The following RYR3 variants were observed in gnomAD, a reference collection of about 807,000 sequenced individuals.
RYR3 encodes the protein ryanodine receptor 3, also known as brain ryanodine receptor-calcium release channel.
In RYR3, 207 loss-of-function variants were observed where a neutral mutation model predicts 584.3. That is an observed-to-expected ratio of 0.35 (90% CI 0.32 to 0.40). RYR3 has a LOEUF of 0.40. RYR3 is among the 10% of genes least tolerant of loss of function. The probability of loss-of-function intolerance (pLI) is 1.00; values close to 1 mark genes in which losing one functional copy is unlikely to be tolerated. For missense variants in RYR3, 5,616 were observed against 6,089.2 expected, an observed-to-expected ratio of 0.92 and a Z score of 2.59; for synonymous variants, 2,416 against 2,248.5, an observed-to-expected ratio of 1.07 and a Z score of -2.11.
chr15:33,608,567 G>T (rs568652239), intron 18 of RYR3, among the ~76,000 whole-genome samples: 1 of 152,138 alleles, frequency 6.6e-6, no homozygotes, highest in East Asian at 1.9e-4. Context: ...TATGAGATGG[G>T]CTCTCTTATC....
intron 18 of RYR3, among the ~76,000 whole-genome samples, chr15:33,612,619 G>A (rs1289850316): frequency 6.6e-6 from 1 of 152,122 alleles, no homozygotes; most frequent in Non-Finnish European, 1.5e-5. Context: ...CTCAGCCTCC[G>A]GAAGTGCTGG....
At chr15:33,809,595 A>C (rs1382234998) in intron 70 of RYR3, among the ~76,000 whole-genome samples, 1 of 141,008 alleles carries the variant, frequency 7.1e-6, no homozygotes, top group Non-Finnish European at 1.5e-5. Flanking sequence ...AGCCCAGTGC[A>C]TTGGATTCCT....
At position 33,812,876 on chromosome 15, in the gene RYR3, C is replaced by A. The variant is rs775452511; in HGVS notation, c.10271C>A (p.Ala3424Asp). Residue 3424 changes from alanine (A) to aspartate (D), a missense_variant, in exon 73 of 104, where the codon GCT becomes GAT. Physicochemically the swap from Ala to Asp is moderately radical, Grantham distance 126. Transcript: ENST00000634891. The part of the protein sequence containing the change: ...LHLQEKSDDP[A>D]VKWQLNLYKD... ...TTCAATTTTCAGTCTGATGACCCAGCTGTAAAATGGCAACTGAACCTCTAC... is the reference window on the plus strand; with the variant it reads ...TTCAATTTTCAGTCTGATGACCCAGATGTAAAATGGCAACTGAACCTCTAC... 1 of 1,613,794 alleles carries A rather than the reference C, an allele frequency of 6.2e-7. No individual in the cohort carries two copies. Among genetic ancestry groups the A allele is most frequent in the Admixed American group, 1.7e-5 (1 of 60,018 alleles).
intron 12 of RYR3, among the ~76,000 whole-genome samples, chr15:33,576,626 A>C (rs1379403027): frequency 6.6e-6 from 1 of 152,198 alleles, no homozygotes; most frequent in African/African-American, 2.4e-5. Context: ...CAAAATAATA[A>C]AAGCCATTTA....
chr15:33,487,259 C>T (rs1247921909), intron 2 of RYR3, among the ~76,000 whole-genome samples: 1 of 151,336 alleles, frequency 6.6e-6, no homozygotes, highest in Non-Finnish European at 1.5e-5. Flanking sequence ...GTAGGCATTC[C>T]AGCAGGGTTG....
chr15:33,840,902 C>T lies in RYR3; in HGVS notation c.13037+19C>T. ...AGGCAGAGTAAGTTCTTGGTAGCAT[C>T]AACTACTCTCATTGCTATGGTAGAT... On this transcript the variant is annotated intron_variant, in intron 90 of 103. Coordinates refer to ENST00000634891, the MANE Select transcript of RYR3 (RefSeq NM_001036.6). 6.2e-7 allele frequency: 1 copy of T among 1,609,352 alleles called. No individual in the cohort carries two copies.
At chr15:33,829,065 T>A (rs1169729653) in intron 85 of RYR3, among the ~76,000 whole-genome samples, 4 of 152,096 alleles carry the variant, frequency 2.6e-5, no homozygotes, top group African/African-American at 9.7e-5. Flanking sequence ...TTATGGTAAA[T>A]CTACTCTGCC....
At chr15:33,693,684 TC>T (rs1465365175) in intron 38 of RYR3, among the ~76,000 whole-genome samples, 6 of 152,220 alleles carry the variant, frequency 3.9e-5, no homozygotes, top group Non-Finnish European at 8.8e-5. Context: ...GGAGGAGCCC[TC>T]CCAAGGGCTG....
intron 82 of RYR3, chr15:33,825,877 C>G: frequency 3.8e-6 from 2 of 528,770 alleles, no homozygotes; most frequent in East Asian, 3.2e-5. Context: ...GGATTACAGG[C>G]TCCCACCACC....
chr15:33,633,900 A>C (rs1258785384), intron 24 of RYR3, among the ~76,000 whole-genome samples: 1 of 152,184 alleles, frequency 6.6e-6, no homozygotes, highest in Non-Finnish European at 1.5e-5. Flanking sequence ...TGTCATGAGG[A>C]GGCTATAGCA....
chr15:33,780,261 C>A lies in RYR3; in HGVS notation c.9188C>A (p.Pro3063Gln). 6.2e-7 allele frequency: 1 copy of A among 1,613,854 alleles called. No homozygotes were observed. ...CTGGCCTCGCTGGCAGCTGCCATACCAGTGGCATTCCTGGAGCCCACCCTT... is the reference window on the plus strand; with the variant it reads ...CTGGCCTCGCTGGCAGCTGCCATACAAGTGGCATTCCTGGAGCCCACCCTT... ...ECLASLAAAI[P>Q]VAFLEPTLNR... Residue 3063 changes from proline to glutamine, a missense_variant, in exon 65 of 104, where the codon CCA becomes CAA. Pro to Gln is a moderately conservative substitution (Grantham distance 76, BLOSUM62 -1). Coordinates refer to ENST00000634891, the MANE Select transcript of RYR3 (RefSeq NM_001036.6).
intron 89 of RYR3, among the ~76,000 whole-genome samples, chr15:33,840,343 G>A (rs16958121): frequency 0.086 from 13,018 of 152,226 alleles, 1,733 homozygotes; most frequent in African/African-American, 0.28. Flanking sequence ...GAGAAACACC[G>A]GGATCATGCA....
At chr15:33,393,461 C>G (rs1458320387) in intron 1 of RYR3, among the ~76,000 whole-genome samples, 2 of 151,970 alleles carry the variant, frequency 1.3e-5, no homozygotes, top group African/African-American at 4.8e-5. Context: ...TGCTTTAAGC[C>G]AATTCTGGGA....
intron 1 of RYR3, among the ~76,000 whole-genome samples, chr15:33,421,044 CA>C (rs1356187489): frequency 2.6e-5 from 4 of 152,000 alleles, no homozygotes; most frequent in South Asian, 2.1e-4. Flanking sequence ...TTATCCAGGC[CA>C]AAAAGGTCAA....
At chr15:33,518,269 A>T (rs945105106) in intron 3 of RYR3, among the ~76,000 whole-genome samples, 1 of 152,220 alleles carries the variant, frequency 6.6e-6, no homozygotes. Flanking sequence ...CAGCAGCAAC[A>T]TTCTTTTCGG....
intron 16 of RYR3, among the ~76,000 whole-genome samples, chr15:33,598,051 G>A (rs1323865738): frequency 6.6e-6 from 1 of 151,670 alleles, no homozygotes; most frequent in Non-Finnish European, 1.5e-5. Flanking sequence ...ACATCATAAA[G>A]TACAGAGAGA....
chr15:33,833,530 A>G (rs1200185035), intron 86 of RYR3, among the ~76,000 whole-genome samples: 1 of 152,238 alleles, frequency 6.6e-6, no homozygotes, highest in African/African-American at 2.4e-5. Context: ...AAAATAAGTT[A>G]CTGATCTGAA....
chr15:33,389,176 A>G (rs929329859), intron 1 of RYR3, among the ~76,000 whole-genome samples: 4 of 151,340 alleles, frequency 2.6e-5, no homozygotes, highest in African/African-American at 7.3e-5. Context: ...ATGTATACAT[A>G]TGTAACAAAC....
chr15:33,319,205 TGAGAA>T lies in RYR3; in HGVS notation c.51+8116_51+8120del, dbSNP rs199694509. Among the ~76,000 whole-genome samples, 1,080 of 152,274 alleles carry T rather than the reference TGAGAA, an allele frequency of 7.1e-3. 10 individuals carry two copies. The highest frequency in any genetic ancestry group is 0.025 in the African/African-American group (1,048 of 41,546). On this transcript the variant is annotated intron_variant, in intron 1 of 103. Coordinates refer to ENST00000634891, the MANE Select transcript of RYR3 (RefSeq NM_001036.6). ...CAATGGCACATAAATGTCCACAGTG[TGAGAA>T]GAGAAGTATTGATTTGAATCGTGTT...
Sources: allele counts gnomAD v4.1 joint callset (sites outside exome capture counted in the v4.1 genomes callset), GRCh38; gene constraint gnomAD v4.1.1; transcripts MANE v1.5; gene names NCBI Gene and HGNC (gene_info 2026-07-23, HGNC 2026-07-21).